The following BFSP1 variants were observed in gnomAD, a reference collection of about 807,000 sequenced individuals.
BFSP1 encodes beaded filament structural protein 1.
A neutral mutation model predicts 43.9 loss-of-function variants in BFSP1; 38 were observed. The ratio of observed to expected loss-of-function variants is 0.87; its 90% CI spans 0.67 to 1.14. The LOEUF (loss-of-function observed/expected upper bound fraction) is 1.14. BFSP1 is among the 50% of genes most tolerant of loss of function. The probability of loss-of-function intolerance (pLI) is 0.00; values close to 1 mark genes in which losing one functional copy is unlikely to be tolerated. For synonymous variants in BFSP1, 352 were observed against 354.8 expected, an observed-to-expected ratio of 0.99 and a Z score of 0.09; for missense variants, 850 against 875.1, an observed-to-expected ratio of 0.97 and a Z score of 0.36.
At chr20:17,522,495 G>T (rs547784713) in intron 2 of BFSP1, among the ~76,000 whole-genome samples, 9 of 152,262 alleles carry the variant, frequency 5.9e-5, no homozygotes, top group African/African-American at 1.9e-4. Context: ...TGTCTTTAAA[G>T]GTACTCATTC....
At chr20:17,500,644 G>A (rs149536383) in intron 5 of BFSP1, among the ~76,000 whole-genome samples, 73 of 152,190 alleles carry the variant, frequency 4.8e-4, no homozygotes, top group African/African-American at 1.7e-3. Flanking sequence ...TTGGCGTGTA[G>A]TCCCACTTTT....
At chr20:17,558,678 G>A in intron 1 of BFSP1, 1 of 1,551,674 alleles carries the variant, frequency 6.4e-7, no homozygotes, top group Admixed American at 2.0e-5. Flanking sequence ...CCGTTTATCA[G>A]AACACTTACA....
intron 2 of BFSP1, chr20:17,517,420 A>AGG: frequency 1.5e-6 from 1 of 689,044 alleles, no homozygotes; most frequent in Non-Finnish European, 2.6e-6. Flanking sequence ...AGTAGCTGGG[A>AGG]CTACAGGTGC....
rs1248278912 is a variant in BFSP1, at chr20:17,549,020, A to G, written c.2+9668T>C. ...GAGATAGAGTCTCACTATGTTGCCC[A>G]GGCTGGTCTCAAACTCTTTGTCTCA... is the stretch of plus-strand genomic sequence containing the variant. On this transcript the variant is annotated intron_variant, in intron 1 of 7. Transcript: ENST00000377868. Among the ~76,000 whole-genome samples, 3 of 152,200 alleles carry G rather than the reference A, an allele frequency of 2.0e-5. No homozygotes were observed. The East Asian group carries it at 5.8e-4, about 29-fold the overall frequency.
chr20:17,508,659 C>T (rs1194758310), intron 5 of BFSP1, among the ~76,000 whole-genome samples: 3 of 152,144 alleles, frequency 2.0e-5, no homozygotes, highest in African/African-American at 7.2e-5. Context: ...CAGGAATGAG[C>T]GTGGCACCTG....
intron 5 of BFSP1, among the ~76,000 whole-genome samples, chr20:17,503,085 G>A (rs1330117233): frequency 1.3e-5 from 2 of 152,186 alleles, no homozygotes; most frequent in African/African-American, 2.4e-5. Context: ...GTGCAGTGCT[G>A]CCATCAGGAC....
chr20:17,504,808 T>C (rs1225486967), intron 5 of BFSP1, among the ~76,000 whole-genome samples: 1 of 152,136 alleles, frequency 6.6e-6, no homozygotes, highest in East Asian at 1.9e-4. Flanking sequence ...TGTGAGCCGC[T>C]GAGGGCACGA....
chr20:17,556,526 T>C (rs1157336391), intron 1 of BFSP1, among the ~76,000 whole-genome samples: 3 of 151,892 alleles, frequency 2.0e-5, no homozygotes, highest in African/African-American at 7.3e-5. Context: ...AAAATAATAA[T>C]AAAAAAACAC....
chr20:17,567,659 C>T (rs1234580168), intron 1 of BFSP1, among the ~76,000 whole-genome samples: 1 of 152,078 alleles, frequency 6.6e-6, no homozygotes, highest in African/African-American at 2.4e-5. Context: ...GTCGGGAGTT[C>T]AAGACCAGCC....
At position 17,494,092 on chromosome 20, in the gene BFSP1, T is replaced by C; in HGVS notation, c.1980A>G (p.Ser660=). 6.2e-7 allele frequency: 1 copy of C among 1,613,222 alleles called. No individual in the cohort carries two copies. Among genetic ancestry groups the C allele is most frequent in the Non-Finnish European group, 8.5e-7 (1 of 1,179,496 alleles). ...GGGCATTTTAAGAGCTCTTCTCTCC[T>C]GATTTCTTCTTGTCTGACTTTGTCT... is the stretch of plus-strand genomic sequence containing the variant. ...IGKTKSDKKK[S]GEKSS is the part of the protein sequence containing the mutation. Residue 660 remains serine, a synonymous_variant, in exon 8 of 8, where the codon TCA becomes TCG. Coordinates refer to ENST00000377873, the MANE Select transcript of BFSP1 (RefSeq NM_001195.5).
In BFSP1 at chr20:17,506,525, CT is replaced by C. The variant is rs572795949; in HGVS notation, c.735+2363del. ...ATAACTGTTTTAATATAATTAGTTT[CT>C]TTTTTTTTTTTTTTGGAAACGGGGT... On this transcript the variant is annotated intron_variant, in intron 5 of 7. Coordinates refer to ENST00000377873, the MANE Select transcript of BFSP1 (RefSeq NM_001195.5). Among the ~76,000 whole-genome samples, 770 of 134,306 alleles carry C rather than the reference CT, an allele frequency of 5.7e-3. 1 individual carries two copies. The highest frequency in any genetic ancestry group is 0.015 in the Middle Eastern group (4 of 266). The allele number at this position is 134,306 out of a possible 152,430, so 88.1% of individuals were successfully genotyped here.
chr20:17,568,028 AG>A (rs1265450833), intron 1 of BFSP1, among the ~76,000 whole-genome samples: 1 of 152,002 alleles, frequency 6.6e-6, no homozygotes, highest in African/African-American at 2.4e-5. Context: ...GAAGGGTGAT[AG>A]GAACATCCCA....
In BFSP1 at chr20:17,511,720, C is replaced by T. The variant is rs143740759; in HGVS notation, c.627+256G>A. Among the ~76,000 whole-genome samples, 15 of 150,170 alleles carry T rather than the reference C, an allele frequency of 1.0e-4. No homozygotes were observed. The East Asian group carries it at 2.5e-3, about 25-fold the overall frequency. The stretch of plus-strand genomic sequence containing the variant: ...TTCTTATAAAGTATGCAAGGAAGAA[C>T]AGCTCATAATTCTCAAGAGAAAATA... On this transcript the variant is annotated intron_variant, in intron 4 of 7. Coordinates refer to ENST00000377873, the MANE Select transcript of BFSP1 (RefSeq NM_001195.5).
At chr20:17,548,122 G>A (rs1457320822) in intron 1 of BFSP1, among the ~76,000 whole-genome samples, 1 of 133,782 alleles carries the variant, frequency 7.5e-6, no homozygotes, top group Non-Finnish European at 1.5e-5. Flanking sequence ...GAGAATGTTA[G>A]TTTGGAGTTG....
intron 2 of BFSP1, among the ~76,000 whole-genome samples, chr20:17,519,202 T>C (rs1488183479): frequency 6.6e-6 from 1 of 152,236 alleles, no homozygotes; most frequent in Non-Finnish European, 1.5e-5. Flanking sequence ...CTTTGTGTTA[T>C]TATTTATAAG....
At chr20:17,556,901 C>T (rs1438336900) in intron 1 of BFSP1, among the ~76,000 whole-genome samples, 3 of 152,042 alleles carry the variant, frequency 2.0e-5, no homozygotes, top group Non-Finnish European at 4.4e-5. Flanking sequence ...AAAAAATGCA[C>T]CAAAGTGGTT....
At chr20:17,555,798 C>G (rs1369168422) in intron 1 of BFSP1, among the ~76,000 whole-genome samples, 2 of 152,130 alleles carry the variant, frequency 1.3e-5, no homozygotes, top group Non-Finnish European at 2.9e-5. Context: ...CAAATACCAT[C>G]AAGATTTTTA....
intron 1 of BFSP1, among the ~76,000 whole-genome samples, chr20:17,537,923 G>A (rs1421980347): frequency 6.6e-6 from 1 of 152,074 alleles, no homozygotes; most frequent in Non-Finnish European, 1.5e-5. Context: ...TCCAAGACCA[G>A]CCTGGGCAAT....
At chr20:17,550,847 A>T (rs1325658003) in intron 1 of BFSP1, among the ~76,000 whole-genome samples, 1 of 152,204 alleles carries the variant, frequency 6.6e-6, no homozygotes, top group East Asian at 1.9e-4. Context: ...GTCATAGTTT[A>T]TCCTTGCAGG....
Sources: gnomAD v4.1 joint callset for allele counts (sites outside exome capture counted in the v4.1 genomes callset) on GRCh38, gnomAD v4.1.1 for gene constraint, MANE v1.5 for transcripts, NCBI Gene and HGNC (gene_info 2026-07-23, HGNC 2026-07-21) for gene names.